The following CSNK1G1 variants were observed in gnomAD, a reference collection of about 807,000 sequenced individuals.
The protein encoded by CSNK1G1 is casein kinase I isoform gamma-1.
Under a neutral mutation model 59.6 loss-of-function variants are expected in CSNK1G1, and 22 were observed. The observed-to-expected ratio is 0.37, with a 90% CI of 0.26 to 0.53. The LOEUF (loss-of-function observed/expected upper bound fraction) is 0.53, where lower values mean the gene tolerates loss of function less well. Among genes scored for constraint, CSNK1G1 ranks in the 20% least tolerant of loss-of-function variants. The pLI, the probability that CSNK1G1 is intolerant of heterozygous loss-of-function variation, is 0.89. For synonymous variants in CSNK1G1, 179 were observed against 177.1 expected (o/e 1.01, Z -0.08); for missense variants, 384 against 519.5 (o/e 0.74, Z 2.54).
intron 2 of CSNK1G1, among the ~76,000 whole-genome samples, chr15:64,284,499 T>C (rs543564750): frequency 4.6e-5 from 7 of 152,274 alleles, no homozygotes; most frequent in African/African-American, 1.7e-4. Flanking sequence ...ATGACAATAC[T>C]TTATAGTTTT....
chr15:64,186,633 C>G (rs954900627), intron 10 of CSNK1G1, among the ~76,000 whole-genome samples: 2 of 151,896 alleles, frequency 1.3e-5, no homozygotes, highest in African/African-American at 4.8e-5. Context: ...CCTAAGCCTT[C>G]CTGGCAGCCA....
intron 4 of CSNK1G1, among the ~76,000 whole-genome samples, chr15:64,247,023 T>C (rs1443667403): frequency 6.6e-6 from 1 of 152,170 alleles, no homozygotes; most frequent in African/African-American, 2.4e-5. Flanking sequence ...ATTCTCATAC[T>C]GTCACTCTTC....
At chr15:64,323,039 C>T (rs1040160826) in intron 1 of CSNK1G1, among the ~76,000 whole-genome samples, 4 of 151,940 alleles carry the variant, frequency 2.6e-5, no homozygotes, top group African/African-American at 9.7e-5. Flanking sequence ...CCTCATGTCT[C>T]AGCCCCCTGA....
intron 11 of CSNK1G1, among the ~76,000 whole-genome samples, chr15:64,177,213 T>C (rs1403227617): frequency 6.6e-6 from 1 of 152,072 alleles, no homozygotes; most frequent in Non-Finnish European, 1.5e-5. Context: ...TTTCACATGG[T>C]CTCCCCAGTA....
chr15:64,181,158 A>C, intron 10 of CSNK1G1: 1 of 1,492,196 alleles, frequency 6.7e-7, no homozygotes, highest in East Asian at 2.5e-5. Context: ...TGGTAAAAAA[A>C]CACTCTCCCT....
chr15:64,259,399 A>G (rs1317878476), intron 2 of CSNK1G1, among the ~76,000 whole-genome samples, 158 bp from the exon 3 acceptor site: 1 of 152,086 alleles, frequency 6.6e-6, no homozygotes, highest in Non-Finnish European at 1.5e-5. Flanking sequence ...AGATAATGAG[A>G]TCTAGCAAGG....
At chr15:64,266,707 C>A (rs1417279316) in intron 2 of CSNK1G1, among the ~76,000 whole-genome samples, 1 of 152,148 alleles carries the variant, frequency 6.6e-6, no homozygotes, top group Non-Finnish European at 1.5e-5. Context: ...AGAAATAAAT[C>A]TCCACATTTA....
At chr15:64,352,447 C>CTTCTTTT (rs1566958699) in intron 1 of CSNK1G1, among the ~76,000 whole-genome samples, 4 of 89,406 alleles carry the variant, frequency 4.5e-5, no homozygotes, top group Non-Finnish European at 8.2e-5. Context: ...TTGAATTCTT[C>CTTCTTTT]TTTTTTTTTT....
At chr15:64,192,840 TAAAAAAA>T (rs66643774) in intron 10 of CSNK1G1, among the ~76,000 whole-genome samples, 5 of 32,208 alleles carry the variant, frequency 1.6e-4, no homozygotes, top group East Asian at 1.1e-3. Flanking sequence ...GAGATCTGCC[TAAAAAAA>T]AAAAAAAAAA....
At chr15:64,314,169 T>C (rs898589835) in intron 1 of CSNK1G1, among the ~76,000 whole-genome samples, 1 of 152,144 alleles carries the variant, frequency 6.6e-6, no homozygotes, top group Non-Finnish European at 1.5e-5. Context: ...GTAGTGCCTG[T>C]TCACAGGTGA....
chr15:64,298,782 G>C (rs1895158350), intron 2 of CSNK1G1, among the ~76,000 whole-genome samples: 1 of 151,838 alleles, frequency 6.6e-6, no homozygotes, highest in African/African-American at 2.4e-5. Flanking sequence ...TGTAATCCCA[G>C]CACTTTGGGA....
chr15:64,262,521 G>T (rs1464176886), intron 2 of CSNK1G1, among the ~76,000 whole-genome samples: 1 of 152,222 alleles, frequency 6.6e-6, no homozygotes, highest in Non-Finnish European at 1.5e-5. Context: ...CACATAGTGT[G>T]TGGGAAGAAA....
rs2082241826 is a variant in CSNK1G1 at position 64,210,885 on chromosome 15, C to T, written c.679+3005G>A. On this transcript the variant is annotated intron_variant, in intron 6 of 11. Transcript: ENST00000303052. This position sits in a 1 kb window ranked among gnomAD's most constrained non-coding sequence, Gnocchi z 4.2. ...CCTCATTAACTGATTAACGACCTCC[C>T]TTAGGGATGAGTTCCCAAGAAAGCA... 6.6e-6 allele frequency among the ~76,000 whole-genome samples: 1 copy of T among 152,148 alleles called. No individual in the cohort carries two copies. Among genetic ancestry groups the T allele is most frequent in the Admixed American group, 6.5e-5 (1 of 15,272 alleles).
At chr15:64,277,716 G>C (rs866372753) in intron 2 of CSNK1G1, among the ~76,000 whole-genome samples, 5 of 120,576 alleles carry the variant, frequency 4.1e-5, no homozygotes, top group Admixed American at 1.9e-4. Flanking sequence ...TATTAATATT[G>C]ATATATTTAA....
At chr15:64,327,668 T>C (rs1178836262) in intron 1 of CSNK1G1, among the ~76,000 whole-genome samples, 4 of 151,938 alleles carry the variant, frequency 2.6e-5, no homozygotes, top group Non-Finnish European at 5.9e-5. Context: ...AACAAAGCTG[T>C]ATGGAGAATG....
chr15:64,278,421 TATATA>T (rs1172027696), intron 2 of CSNK1G1, among the ~76,000 whole-genome samples: 25 of 86,878 alleles, frequency 2.9e-4, no homozygotes, highest in African/African-American at 1.3e-3. Context: ...TGTGTGTGTA[TATATA>T]TATATATTTT....
At chr15:64,322,173 T>C (rs562777805) in intron 1 of CSNK1G1, among the ~76,000 whole-genome samples, 1 of 152,292 alleles carries the variant, frequency 6.6e-6, no homozygotes, top group African/African-American at 2.4e-5. Context: ...CATAAAGTCT[T>C]ATTGTAACTT....
chr15:64,315,487 A>C lies in CSNK1G1; in HGVS notation c.-224-14764T>G, dbSNP rs118029345. On this transcript the variant is annotated intron_variant, in intron 1 of 11. Coordinates refer to ENST00000303052, the MANE Select transcript of CSNK1G1 (RefSeq NM_022048.5). The stretch of plus-strand genomic sequence containing the variant: ...AGCATTTACATTTTCTAAACGATTG[A>C]CTCTAGGTGCTGTGTGACCTATTCA... Among the ~76,000 whole-genome samples, 13 of 152,184 alleles carry C rather than the reference A, an allele frequency of 8.5e-5. No individual in the cohort carries two copies. The East Asian group carries it at 2.1e-3, about 25-fold the overall frequency.
chr15:64,199,033 G>A (rs1382834436), intron 10 of CSNK1G1, among the ~76,000 whole-genome samples: 1 of 151,322 alleles, frequency 6.6e-6, no homozygotes, highest in Non-Finnish European at 1.5e-5. Context: ...CTTGAACCCA[G>A]GAATTTGAGA....
Sources: gnomAD v4.1 joint callset for allele counts (sites outside exome capture counted in the v4.1 genomes callset) on GRCh38, gnomAD v4.1.1 for gene constraint, Gnocchi (gnomAD v3.1) non-coding constraint, MANE v1.5 for transcripts, NCBI Gene and HGNC (gene_info 2026-07-23, HGNC 2026-07-21) for gene names.